DLC1: variants seen among roughly 807,000 people sequenced by gnomAD.
DLC1 encodes rho GTPase-activating protein 7.
DLC1 carries 54 observed loss-of-function variants against 140.3 expected under a neutral mutation model. The observed-to-expected ratio is 0.38, with a 90% CI of 0.31 to 0.48. DLC1 has a LOEUF of 0.48. DLC1 is among the 20% of genes least tolerant of loss of function. The probability of loss-of-function intolerance (pLI) is 0.96; values close to 1 mark genes in which losing one functional copy is unlikely to be tolerated. For synonymous variants in DLC1, 986 were observed against 728.1 expected (o/e 1.35, Z -5.70); for missense variants, 2,536 against 1,907.0 (o/e 1.33, Z -6.14).
intron 5 of DLC1, among the ~76,000 whole-genome samples, chr8:13,159,631 T>C (rs927353911): frequency 6.6e-6 from 1 of 152,008 alleles, no homozygotes; most frequent in Non-Finnish European, 1.5e-5. Flanking sequence ...TCTCATAACT[T>C]TCCTGGGTGA....
intron 2 of DLC1, among the ~76,000 whole-genome samples, chr8:13,449,985 TC>T (rs1284667556): frequency 6.6e-6 from 1 of 151,950 alleles, no homozygotes; most frequent in Non-Finnish European, 1.5e-5. Context: ...ATTACAGGCT[TC>T]CCCAACTCTG....
At chr8:13,294,313 A>T (rs1284614026) in intron 5 of DLC1, among the ~76,000 whole-genome samples, 2 of 152,050 alleles carry the variant, frequency 1.3e-5, no homozygotes, top group African/African-American at 4.8e-5. Context: ...ATGTTTTAAA[A>T]GATTGTTAAA....
At chr8:13,213,579 T>C (rs1463438865) in intron 5 of DLC1, among the ~76,000 whole-genome samples, 2 of 152,192 alleles carry the variant, frequency 1.3e-5, no homozygotes, top group African/African-American at 2.4e-5. Flanking sequence ...ATATGAAACT[T>C]GAGAGGCTTT....
At chr8:13,416,896 T>TC (rs559214458) in intron 2 of DLC1, among the ~76,000 whole-genome samples, 80 of 152,260 alleles carry the variant, frequency 5.3e-4, no homozygotes, top group South Asian at 2.9e-3. Flanking sequence ...CTTTTTTTTT[T>TC]CACTACCTCT....
chr8:13,328,234 A>G (rs1276105284), intron 4 of DLC1, among the ~76,000 whole-genome samples: 1 of 152,194 alleles, frequency 6.6e-6, no homozygotes, highest in Admixed American at 6.5e-5. Context: ...TATATCTGGA[A>G]GAAGGGGATG....
intron 4 of DLC1, among the ~76,000 whole-genome samples, chr8:13,366,653 A>G (rs1414246161): frequency 6.6e-6 from 1 of 152,118 alleles, no homozygotes; most frequent in Non-Finnish European, 1.5e-5. Flanking sequence ...AGCAGATATA[A>G]ATTTTGGGCC....
intron 1 of DLC1, among the ~76,000 whole-genome samples, chr8:13,523,740 A>G (rs1802829982): frequency 6.6e-6 from 1 of 152,230 alleles, no homozygotes; most frequent in Non-Finnish European, 1.5e-5. Context: ...TTGAAAGCCA[A>G]GATTGGAGAC....
intron 5 of DLC1, among the ~76,000 whole-genome samples, chr8:13,149,448 T>G (rs902747591): frequency 6.6e-6 from 1 of 152,208 alleles, no homozygotes; most frequent in Admixed American, 6.5e-5. Context: ...CATCTTTTGT[T>G]GCTCCCTAGC....
chr8:13,177,037 A>G (rs1825795481), intron 5 of DLC1, among the ~76,000 whole-genome samples: 1 of 152,208 alleles, frequency 6.6e-6, no homozygotes, highest in Admixed American at 6.5e-5. Flanking sequence ...AATCTAAACT[A>G]TCTAATCATA....
intron 2 of DLC1, among the ~76,000 whole-genome samples, chr8:13,426,402 T>C (rs1251970095): frequency 1.3e-5 from 2 of 152,212 alleles, no homozygotes; most frequent in Non-Finnish European, 2.9e-5. Context: ...CAGCTACCAT[T>C]GTACTAGTAA....
intron 2 of DLC1, among the ~76,000 whole-genome samples, chr8:13,451,441 T>G (rs926666315): frequency 1.3e-5 from 2 of 152,192 alleles, no homozygotes; most frequent in Admixed American, 1.3e-4. Flanking sequence ...GTCTCCCTGT[T>G]GTGCTATGAA....
intron 2 of DLC1, among the ~76,000 whole-genome samples, chr8:13,461,909 T>C (rs934305334): frequency 9.9e-5 from 15 of 152,198 alleles, no homozygotes; most frequent in African/African-American, 3.6e-4. Flanking sequence ...GATGCTTCTG[T>C]GGATCTACCA....
intron 5 of DLC1, among the ~76,000 whole-genome samples, chr8:13,201,377 G>A (rs1250642222): frequency 6.6e-6 from 1 of 152,088 alleles, no homozygotes; most frequent in Non-Finnish European, 1.5e-5. Context: ...ATCACTTTGA[G>A]TGTAAAACCT....
chr8:13,480,257 GCT>G (rs1800662490), intron 2 of DLC1, among the ~76,000 whole-genome samples: 1 of 152,026 alleles, frequency 6.6e-6, no homozygotes, highest in Non-Finnish European at 1.5e-5. Flanking sequence ...ACCCATAAAA[GCT>G]TAAAAATATA....
chr8:13,390,171 G>T (rs762544339), intron 4 of DLC1, among the ~76,000 whole-genome samples: 3 of 151,958 alleles, frequency 2.0e-5, no homozygotes, highest in South Asian at 2.1e-4. Flanking sequence ...TAGTGAAAAG[G>T]GTGTACCTAA....
At chr8:13,139,032 C>A (rs1310219592) in intron 5 of DLC1, among the ~76,000 whole-genome samples, 2 of 151,896 alleles carry the variant, frequency 1.3e-5, no homozygotes, top group Non-Finnish European at 2.9e-5. Flanking sequence ...TGCCTGTAAT[C>A]CCAGCATTTT....
rs182493001 is a variant in DLC1 at position 13,279,647 on chromosome 8, T to A, written c.1348+25622A>T. Among the ~76,000 whole-genome samples the A allele has an allele frequency of 3.3e-5, 5 of 152,320 alleles. No individual in the cohort carries two copies. In the East Asian group the frequency reaches 9.7e-4, roughly 29 times the overall value. ...AACTCATTAAGTCCAAATTTCACTG[T>A]GAGGGTATTTCAACCCCTTATGGAT... On this transcript the variant is annotated intron_variant, in intron 5 of 17. Coordinates refer to ENST00000276297, the MANE Select transcript of DLC1 (RefSeq NM_182643.3).
At chr8:13,535,892 C>T (rs924737799) in intron 1 of DLC1, 1 of 152,012 alleles carries the variant, frequency 6.6e-6, no homozygotes, top group Admixed American at 6.6e-5. Flanking sequence ...ACCAGCCATG[C>T]ATTTATTTGT....
Position 13,085,630 on chromosome 8 carries a change from C to A in DLC1, c.*181G>T. ...ATATTCCAGTCAAGGTCTATGAATA[C>A]AGACCCTCAACAAACAGGAAGCAGC... On this transcript the variant is annotated 3_prime_UTR_variant, in exon 18 of 18. Coordinates refer to ENST00000276297, the MANE Select transcript of DLC1 (RefSeq NM_182643.3). 1.3e-6 allele frequency: 1 copy of A among 769,904 alleles called. No homozygotes were observed. 47.7% of individuals were successfully genotyped at this position (769,904 alleles called of 1,614,324 possible). A position where few individuals can be genotyped will look rare whatever the true frequency, so the allele number is the denominator to read the frequency against.
Sources: gnomAD v4.1 joint callset for allele counts (sites outside exome capture counted in the v4.1 genomes callset) on GRCh38, gnomAD v4.1.1 for gene constraint, MANE v1.5 for transcripts, NCBI Gene and HGNC (gene_info 2026-07-23, HGNC 2026-07-21) for gene names.